CDH22: variants seen among roughly 807,000 people sequenced by gnomAD.
CDH22 encodes the protein cadherin-22.
Under a neutral mutation model 58.4 loss-of-function variants are expected in CDH22, and 30 were observed. The observed-to-expected ratio is 0.51, with a 90% CI of 0.38 to 0.70. CDH22 has a LOEUF of 0.70. Ranked by LOEUF, CDH22 falls within the 30% of genes least tolerant of loss-of-function variation. CDH22 has a pLI of 0.00. For missense variants in CDH22, 1,014 were observed against 1,233.9 expected, an observed-to-expected ratio of 0.82 and a Z score of 2.67; for synonymous variants, 513 against 558.2, an observed-to-expected ratio of 0.92 and a Z score of 1.14.
chr20:46,201,934 A>G (rs2085964633), intron 7 of CDH22, among the ~76,000 whole-genome samples: 1 of 152,006 alleles, frequency 6.6e-6, no homozygotes, highest in African/African-American at 2.4e-5. Flanking sequence ...CCTAAACACT[A>G]ATTGAGTGCC....
At chr20:46,180,865 C>G (rs1395789101) in intron 10 of CDH22, among the ~76,000 whole-genome samples, 1 of 151,842 alleles carries the variant, frequency 6.6e-6, no homozygotes, top group Non-Finnish European at 1.5e-5. Flanking sequence ...TCCTGAGTAC[C>G]TAGGACTACA....
At chr20:46,305,905 G>C (rs1279181312) in intron 1 of CDH22, among the ~76,000 whole-genome samples, 3 of 152,220 alleles carry the variant, frequency 2.0e-5, no homozygotes, top group Non-Finnish European at 2.9e-5. Context: ...CCAGTGCCTG[G>C]GGAAGCAGCA....
chr20:46,204,137 A>G, intron 7 of CDH22, among the ~76,000 whole-genome samples: 1 of 152,008 alleles, frequency 6.6e-6, no homozygotes. Flanking sequence ...GCTCACACCT[A>G]TAATCCCAGC....
intron 1 of CDH22, among the ~76,000 whole-genome samples, chr20:46,281,461 CAT>C (rs3091683): frequency 0.56 from 84,384 of 151,850 alleles, 25,789 homozygotes; most frequent in East Asian, 0.72. Flanking sequence ...AAAAAAATCA[CAT>C]ACGCCTACCC....
At chr20:46,244,340 G>A (rs920413721) in intron 2 of CDH22, among the ~76,000 whole-genome samples, 2 of 152,162 alleles carry the variant, frequency 1.3e-5, no homozygotes, top group African/African-American at 2.4e-5. Flanking sequence ...TGCCTGGGCG[G>A]GAGCTAAGAT....
At chr20:46,175,357 T>C (rs959615606) in intron 11 of CDH22, among the ~76,000 whole-genome samples, 60 of 152,298 alleles carry the variant, frequency 3.9e-4, no homozygotes, top group African/African-American at 1.3e-3. Context: ...TTAAAGGTTT[T>C]CCTGGGTGTT....
Position 46,216,878 on chromosome 20 carries a change from G to C in CDH22, c.786C>G (p.Thr262=). ...TGACGTCGGTGACTACGATGGTGAC[G>C]GTAGTGGAGCCCGAGAGGCCACCCA... The part of the protein sequence containing the change: ...GQLGGLSGST[T]VTIVVTDVND... The change falls in exon 5 of 12, where the codon ACC becomes ACG. Residue 262 remains threonine (T), a synonymous_variant. Coordinates refer to ENST00000537909, the MANE Select transcript of CDH22 (RefSeq NM_021248.3). This position sits in a 1 kb window ranked among gnomAD's most constrained non-coding sequence, Gnocchi z 5.3. The C allele has an allele frequency of 6.2e-7, 1 of 1,610,448 alleles. No individual in the cohort carries two copies. Among genetic ancestry groups the C allele is most frequent in the Non-Finnish European group, 8.5e-7 (1 of 1,177,112 alleles).
At position 46,308,090 on chromosome 20, in the gene CDH22, C is replaced by A. The variant is rs1332201215; in HGVS notation, c.-400+165G>T. Among the ~76,000 whole-genome samples the A allele has an allele frequency of 6.6e-6, 1 of 151,370 alleles. No individual in the cohort carries two copies. The highest frequency in any genetic ancestry group is 1.5e-5 in the Non-Finnish European group (1 of 67,746). On this transcript the variant is annotated intron_variant, in intron 1 of 11. Transcript: ENST00000537909. The surrounding 1 kb of genome is among the most constrained non-coding windows in gnomAD (Gnocchi z 4.3). The stretch of plus-strand genomic sequence containing the variant: ...CGCCCTCCCGGCCGAGAGGAGGGGG[C>A]GCGCAGGGCCGGGCGCAGGCACCCC...
chr20:46,196,282 CTT>C (rs796480388), intron 8 of CDH22, among the ~76,000 whole-genome samples: 1 of 146,416 alleles, frequency 6.8e-6, no homozygotes, highest in African/African-American at 2.5e-5. Context: ...TTTGTGGCAG[CTT>C]TTTTTTTTTG....
chr20:46,286,665 T>G (rs1847669737), intron 1 of CDH22, among the ~76,000 whole-genome samples: 2 of 152,152 alleles, frequency 1.3e-5, no homozygotes. Context: ...CCCAGCCACA[T>G]GCAGAATGCT....
chr20:46,176,888 C>G lies in CDH22; in HGVS notation c.1915+1058G>C. On this transcript the variant is annotated intron_variant, in intron 11 of 11. Coordinates refer to ENST00000537909, the MANE Select transcript of CDH22 (RefSeq NM_021248.3). The stretch of plus-strand genomic sequence containing the variant: ...TGCCAGGCCTGATCAGCGATTCCAC[C>G]CGTCACCTTTAGAGCACTGATGTGC... 2.0e-5 allele frequency among the ~76,000 whole-genome samples: 3 copies of G among 152,336 alleles called. No homozygotes were observed. In the Middle Eastern group the frequency reaches 0.01, roughly 518 times the overall value.
chr20:46,296,029 CT>C (rs1016265180), intron 1 of CDH22, among the ~76,000 whole-genome samples: 3 of 152,212 alleles, frequency 2.0e-5, no homozygotes, highest in African/African-American at 7.2e-5. Context: ...TCTCAAAGTG[CT>C]GGGATCACAG....
At chr20:46,267,174 A>G (rs573910783) in intron 1 of CDH22, among the ~76,000 whole-genome samples, 10 of 152,066 alleles carry the variant, frequency 6.6e-5, no homozygotes, top group Admixed American at 5.2e-4. Flanking sequence ...GACTTGAACT[A>G]GGAAAGTCTG....
intron 7 of CDH22, among the ~76,000 whole-genome samples, chr20:46,200,656 T>A (rs1464885617): frequency 6.6e-6 from 1 of 152,162 alleles, no homozygotes; most frequent in African/African-American, 2.4e-5. Flanking sequence ...GGTGGCGTTC[T>A]GGGCAGGGGA....
chr20:46,249,601 GC>G (rs1447125521), intron 2 of CDH22, among the ~76,000 whole-genome samples: 1 of 152,146 alleles, frequency 6.6e-6, no homozygotes, highest in Non-Finnish European at 1.5e-5. Context: ...TGATCTCTGA[GC>G]CTCAGAACTG....
At position 46,178,021 on chromosome 20, in the gene CDH22, T is replaced by A; in HGVS notation, c.1840A>T (p.Thr614Ser). 1.2e-6 allele frequency: 2 copies of A among 1,613,926 alleles called. No homozygotes were observed. The highest frequency in any genetic ancestry group is 1.7e-6 in the Non-Finnish European group (2 of 1,179,974). Residue 614 changes from threonine (T) to serine (S), a missense_variant, in exon 11 of 12, where the codon ACG becomes TCG. Transcript: ENST00000537909. ...AGGGAGGCGGCCATGACAAAGGCCG[T>A]GGTGTTGCAGGACTGGATGGTGCCG... ...SSGTIQSCNT[T>S]AFVMAASLSP...
At chr20:46,224,112 C>T (rs1465541396) in intron 4 of CDH22, among the ~76,000 whole-genome samples, 6 of 152,196 alleles carry the variant, frequency 3.9e-5, no homozygotes, top group African/African-American at 9.6e-5. Context: ...TTCGGCCTCC[C>T]AAAGTGTTGG....
intron 10 of CDH22, among the ~76,000 whole-genome samples, chr20:46,178,939 T>G (rs911480763): frequency 6.6e-6 from 1 of 152,148 alleles, no homozygotes; most frequent in South Asian, 2.1e-4. Flanking sequence ...CCTTTTCACA[T>G]AGGCGGCCAG....
chr20:46,261,323 A>G (rs558299209), intron 1 of CDH22, among the ~76,000 whole-genome samples: 1 of 152,346 alleles, frequency 6.6e-6, no homozygotes, highest in South Asian at 2.1e-4. Flanking sequence ...TGCACAAAGT[A>G]TCCTGGCCAG....
Sources: gnomAD v4.1 joint callset for allele counts (sites outside exome capture counted in the v4.1 genomes callset) on GRCh38, gnomAD v4.1.1 for gene constraint, Gnocchi (gnomAD v3.1) non-coding constraint, MANE v1.5 for transcripts, NCBI Gene and HGNC (gene_info 2026-07-23, HGNC 2026-07-21) for gene names.